ALG1: variants seen among roughly 807,000 people sequenced by gnomAD.
ALG1 encodes ALG1 chitobiosyldiphosphodolichol beta-mannosyltransferase.
In ALG1, 58 loss-of-function variants were observed where a neutral mutation model predicts 55.1. That is an observed-to-expected ratio of 1.05 (90% CI 0.85 to 1.31). The LOEUF (loss-of-function observed/expected upper bound fraction) is 1.31. Among genes scored for constraint, ALG1 ranks in the 50% most tolerant of loss-of-function variants. ALG1 has a pLI of 0.00. For synonymous variants in ALG1, 309 were observed against 247.0 expected, an observed-to-expected ratio of 1.25 and a Z score of -2.35; for missense variants, 761 against 598.6, an observed-to-expected ratio of 1.27 and a Z score of -2.83.
At chr16:5,079,690 A>C in intron 8 of ALG1, 58 bp from the exon 9 acceptor site, 1 of 1,535,952 alleles carries the variant, frequency 6.5e-7, no homozygotes, top group Admixed American at 1.7e-5. Context: ...GTCTGTCAGA[A>C]AAAAAAAAAA....
Position 5,086,841 on chromosome 16 carries a change from GT to G in ALG1, c.*1965del, listed in dbSNP as rs1471092428. ...ACCACCACGCCTGGCTAATTTTTGT[GT>G]TTTTAGTAGAGATGGGGTTTCACCA... On this transcript the variant is annotated 3_prime_UTR_variant, in exon 13 of 13. Coordinates refer to ENST00000262374, the MANE Select transcript of ALG1 (RefSeq NM_019109.5). 6.6e-6 allele frequency: 1 copy of G among 152,056 alleles called. No individual in the cohort carries two copies. The highest frequency in any genetic ancestry group is 1.5e-5 in the Non-Finnish European group (1 of 68,026). 9.4% of individuals were successfully genotyped at this position (152,056 alleles called of 1,614,324 possible). A position where few individuals can be genotyped will look rare whatever the true frequency, so the allele number is the denominator to read the frequency against.
intron 9 of ALG1, among the ~76,000 whole-genome samples, 158 bp downstream of exon 9, chr16:5,079,965 C>T (rs1956987288): frequency 6.6e-6 from 1 of 152,010 alleles, no homozygotes; most frequent in Admixed American, 6.6e-5. Flanking sequence ...GAAACTGAGG[C>T]TCAGAGGCAG....
At position 5,083,499 on chromosome 16, in the gene ALG1, A is replaced by AC. The variant is rs1049686583; in HGVS notation, c.1188-176dup. Among the ~76,000 whole-genome samples, 4 of 151,810 alleles carry AC rather than the reference A, an allele frequency of 2.6e-5. No homozygotes were observed. The East Asian group carries it at 5.8e-4, about 22-fold the overall frequency. On this transcript the variant is annotated intron_variant, in intron 11 of 12. Coordinates refer to ENST00000262374, the MANE Select transcript of ALG1 (RefSeq NM_019109.5). ...AATGGGTGTGGCCATTTTGATGTGC[A>AC]CCCCCCCAGGCCTTTATACCCTTCA...
At chr16:5,078,429 C>G in intron 6 of ALG1, 1 of 602,172 alleles carries the variant, frequency 1.7e-6, no homozygotes, top group Non-Finnish European at 3.1e-6. Context: ...TGCAGGTCTA[C>G]GCACCCTGAG....
intron 10 of ALG1, among the ~76,000 whole-genome samples, chr16:5,081,878 A>C (rs1164037770): frequency 6.6e-6 from 1 of 151,798 alleles, no homozygotes; most frequent in East Asian, 2.0e-4. Context: ...AGTCTTTAGA[A>C]ATGTTAAGCT....
Position 5,075,473 on chromosome 16 carries a change from A to G in ALG1, c.476A>G (p.Tyr159Cys), listed in dbSNP as rs1369674291. The change falls in exon 4 of 13, where the codon TAT becomes TGT. Residue 159 changes from tyrosine to cysteine, a missense_variant. By Grantham distance (194) the Tyr-to-Cys change is radical. Transcript: ENST00000262374. ...GSKLVIDWHNYGYSIMGLVHG... is the reference protein window; with the variant it reads ...GSKLVIDWHNCGYSIMGLVHG... ...AAGCTCGTCATTGACTGGCACAACTATGGCTACTCCATCATGGGTCTGGTG... is the reference window on the plus strand; with the variant it reads ...AAGCTCGTCATTGACTGGCACAACTGTGGCTACTCCATCATGGGTCTGGTG... The G allele has an allele frequency of 3.7e-6, 6 of 1,614,086 alleles. No individual in the cohort carries two copies. The highest frequency in any genetic ancestry group is 4.5e-5 in the East Asian group (2 of 44,864).
chr16:5,080,976 G>T lies in ALG1; in HGVS notation c.992G>T (p.Arg331Leu). 2.5e-6 allele frequency: 4 copies of T among 1,596,352 alleles called. No homozygotes were observed. Among genetic ancestry groups the T allele is most frequent in the South Asian group, 1.1e-5 (1 of 90,996 alleles). Residue 331 changes from arginine (R) to leucine (L), a missense_variant, in exon 10 of 13, where the codon CGC becomes CTC. Arg to Leu is a moderately radical substitution (Grantham distance 102). Transcript: ENST00000262374. The stretch of plus-strand genomic sequence containing the variant: ...GGGCCTCTGAGGGAGTATTATAGCC[G>T]CCTCATCCACCAGAAGCACTTCCAG... ...GKGPLREYYS[R>L]LIHQKHFQHI...
At position 5,079,762 on chromosome 16, in the gene ALG1, A is replaced by G. The variant is rs1596258401; in HGVS notation, c.916A>G (p.Thr306Ala). The G allele has an allele frequency of 6.2e-7, 1 of 1,611,024 alleles. No individual in the cohort carries two copies. Among genetic ancestry groups the G allele is most frequent in the Non-Finnish European group, 8.5e-7 (1 of 1,179,680 alleles). The change falls in exon 9 of 13, where the codon ACT becomes GCT. Residue 306 changes from threonine to alanine, a missense_variant. Coordinates refer to ENST00000262374, the MANE Select transcript of ALG1 (RefSeq NM_019109.5). ...TCTAAACACAGAGTTTGAACAACTG[A>G]CTCTTGATGGACACAACCTTCCTTC... ...LAALEKFEQL[T>A]LDGHNLPSLV...
chr16:5,074,212 C>G (rs1345875962), intron 3 of ALG1, among the ~76,000 whole-genome samples: 2 of 151,834 alleles, frequency 1.3e-5, no homozygotes, highest in African/African-American at 4.8e-5. Flanking sequence ...GTGGTGCGAT[C>G]TTGGCTCACT....
At chr16:5,073,100 G>C in intron 2 of ALG1, 53 bp from the exon 3 acceptor site, 1 of 1,611,792 alleles carries the variant, frequency 6.2e-7, no homozygotes, top group Non-Finnish European at 8.5e-7. Context: ...TTGAAAAGCC[G>C]TGCAGATTGC....
intron 12 of ALG1, 54 bp downstream of exon 12, chr16:5,083,811 G>A (rs1957061523): frequency 1.0e-5 from 16 of 1,596,758 alleles, no homozygotes; most frequent in Middle Eastern, 2.2e-4. Context: ...GACTGGCACC[G>A]AGCCAGGCTC....
chr16:5,085,114 C>T lies in ALG1; in HGVS notation c.*233C>T, dbSNP rs933776146. On this transcript the variant is annotated 3_prime_UTR_variant, in exon 13 of 13. Coordinates refer to ENST00000262374, the MANE Select transcript of ALG1 (RefSeq NM_019109.5). Reference sequence around the variant, plus strand: ...TTCCTCTCTTCTTCTGTTCTTCACGCCCCATGCCCCTGCTAGCGTATTACT... The same window carrying T: ...TTCCTCTCTTCTTCTGTTCTTCACGTCCCATGCCCCTGCTAGCGTATTACT... 2.7e-5 allele frequency: 19 copies of T among 709,082 alleles called. 1 individual carries two copies. The highest frequency in any genetic ancestry group is 2.1e-4 in the African/African-American group (12 of 56,012). The allele number at this position is 709,082 out of a possible 1,614,324, so 43.9% of individuals were successfully genotyped here.
chr16:5,083,051 G>C (rs1034942166), intron 11 of ALG1, among the ~76,000 whole-genome samples: 26 of 152,274 alleles, frequency 1.7e-4, no homozygotes, highest in African/African-American at 5.1e-4. Context: ...GGTTTTCTTT[G>C]TTTTTCTCTC....
rs1286781705 is a variant in ALG1 at position 5,084,843 on chromosome 16, T to A, written c.1357T>A (p.Trp453Arg). ...ESQQLRWDES[W>R]VQTVLPLVMD... Reference sequence around the variant, plus strand: ...GCAGCAGCTCCGATGGGATGAGAGCTGGGTGCAGACTGTGCTCCCTTTGGT... The same window carrying A: ...GCAGCAGCTCCGATGGGATGAGAGCAGGGTGCAGACTGTGCTCCCTTTGGT... The change falls in exon 13 of 13, where the codon TGG (tryptophan) becomes AGG (arginine). Residue 453 changes from tryptophan (W) to arginine (R), a missense_variant. By Grantham distance (101) the Trp-to-Arg change is moderately radical. Transcript: ENST00000262374. 6.3e-7 allele frequency: 1 copy of A among 1,596,488 alleles called. No individual in the cohort carries two copies. Among genetic ancestry groups the A allele is most frequent in the Non-Finnish European group, 8.5e-7 (1 of 1,179,782 alleles).
At chr16:5,081,467 G>A (rs764866378) in intron 10 of ALG1, among the ~76,000 whole-genome samples, 3 of 152,218 alleles carry the variant, frequency 2.0e-5, no homozygotes, top group Non-Finnish European at 4.4e-5. Context: ...TTCTCCAAGT[G>A]GGGAGTCGTG....
intron 4 of ALG1, among the ~76,000 whole-genome samples, chr16:5,076,848 G>T (rs1247729329): frequency 7.0e-6 from 1 of 142,016 alleles, no homozygotes; most frequent in Non-Finnish European, 1.5e-5. Context: ...AGACTGGAGT[G>T]CAATGGCGCC....
intron 2 of ALG1, 44 bp downstream of exon 2, chr16:5,073,072 G>T (rs780378064): frequency 6.2e-7 from 1 of 1,611,440 alleles, no homozygotes; most frequent in South Asian, 1.1e-5. Flanking sequence ...CCATGGGCTG[G>T]GGGCAGGGGG....
At chr16:5,072,219 T>A in intron 1 of ALG1, 162 bp downstream of exon 1, 2 of 1,526,456 alleles carry the variant, frequency 1.3e-6, no homozygotes, top group Non-Finnish European at 1.8e-6. Context: ...CCTGGGTGGG[T>A]CTCTAGGTAT....
intron 9 of ALG1, among the ~76,000 whole-genome samples, chr16:5,080,097 A>T (rs1956990933): frequency 7.1e-6 from 1 of 140,750 alleles, no homozygotes. Flanking sequence ...TTTGAGACAG[A>T]GTCTCTGTCG....
Sources: gnomAD v4.1 joint callset for allele counts (sites outside exome capture counted in the v4.1 genomes callset) on GRCh38, gnomAD v4.1.1 for gene constraint, MANE v1.5 for transcripts, NCBI Gene and HGNC (gene_info 2026-07-23, HGNC 2026-07-21) for gene names.